The following CTNNA1 variants were observed in gnomAD, a reference collection of about 807,000 sequenced individuals.
The protein encoded by CTNNA1 is catenin alpha-1.
Under a neutral mutation model 98.4 loss-of-function variants are expected in CTNNA1, and 37 were observed. That is an observed-to-expected ratio of 0.38 (90% CI 0.29 to 0.49). The LOEUF is 0.49. Ranked by LOEUF, CTNNA1 falls within the 20% of genes least tolerant of loss-of-function variation. The pLI is 0.95. For missense variants in CTNNA1, 761 were observed against 1,147.2 expected, an observed-to-expected ratio of 0.66 and a Z score of 4.86; for synonymous variants, 404 against 413.2, an observed-to-expected ratio of 0.98 and a Z score of 0.27.
intron 17 of CTNNA1, 50 bp downstream of exon 17, chr5:138,932,762 T>C: frequency 6.2e-7 from 1 of 1,606,872 alleles, no homozygotes; most frequent in East Asian, 2.2e-5. Flanking sequence ...TGCTGACCCT[T>C]GTCAGAAATG....
At chr5:138,890,614 G>A (rs1317349921) in intron 9 of CTNNA1, among the ~76,000 whole-genome samples, 1 of 152,176 alleles carries the variant, frequency 6.6e-6, no homozygotes, top group African/African-American at 2.4e-5. Context: ...TCATCCTCTT[G>A]TCACATTGAT....
chr5:138,764,868 C>CTTT (rs35354499), intron 1 of CTNNA1, among the ~76,000 whole-genome samples: 12,833 of 84,806 alleles, frequency 0.15, 2,083 homozygotes, highest in East Asian at 0.19. Context: ...GTATCTCTCT[C>CTTT]TTTTTTTTTT....
At chr5:138,839,986 C>A (rs1762137776) in intron 7 of CTNNA1, among the ~76,000 whole-genome samples, 1 of 152,168 alleles carries the variant, frequency 6.6e-6, no homozygotes, top group Non-Finnish European at 1.5e-5. Context: ...AAAGCTTGAT[C>A]AAGTAATGTA....
chr5:138,775,015 GAA>G (rs1210323016), intron 1 of CTNNA1, among the ~76,000 whole-genome samples: 4 of 152,332 alleles, frequency 2.6e-5, no homozygotes, highest in Non-Finnish European at 4.4e-5. Context: ...AGAAAAAAAT[GAA>G]AGTCTTTTTT....
At chr5:138,809,900 C>T in intron 3 of CTNNA1, 138 bp from the exon 4 acceptor site, 1 of 1,233,524 alleles carries the variant, frequency 8.1e-7, no homozygotes, top group Non-Finnish European at 1.1e-6. Context: ...GAACAGCAAA[C>T]AACAACAAAA....
chr5:138,872,848 A>C, intron 7 of CTNNA1: 1 of 517,032 alleles, frequency 1.9e-6, no homozygotes, highest in Non-Finnish European at 3.3e-6. Flanking sequence ...ATATGGTTTC[A>C]TTTAAAAAAT....
intron 1 of CTNNA1, among the ~76,000 whole-genome samples, chr5:138,760,657 C>T (rs1460893267): frequency 6.6e-6 from 1 of 152,180 alleles, no homozygotes; most frequent in African/African-American, 2.4e-5. Flanking sequence ...TGAGCCACCA[C>T]GTCTGACCTA....
chr5:138,801,196 G>A (rs1757539319), intron 3 of CTNNA1, among the ~76,000 whole-genome samples: 1 of 152,146 alleles, frequency 6.6e-6, no homozygotes, highest in Non-Finnish European at 1.5e-5. Context: ...TATTACAGTA[G>A]TACAGTGTGT....
At chr5:138,799,514 A>G (rs2149700669) in intron 3 of CTNNA1, among the ~76,000 whole-genome samples, 1 of 152,216 alleles carries the variant, frequency 6.6e-6, no homozygotes, top group African/African-American at 2.4e-5. Flanking sequence ...AGGAAAAAAA[A>G]GTTGTTGATT....
chr5:138,799,227 C>T (rs1431325743), intron 3 of CTNNA1, among the ~76,000 whole-genome samples: 1 of 152,098 alleles, frequency 6.6e-6, no homozygotes, highest in Non-Finnish European at 1.5e-5. Flanking sequence ...ATGGCGTGAC[C>T]TCGGTTCACT....
chr5:138,784,309 G>A (rs1755443920), intron 3 of CTNNA1, among the ~76,000 whole-genome samples: 1 of 152,184 alleles, frequency 6.6e-6, no homozygotes, highest in Admixed American at 6.5e-5. Context: ...ATCGAGCCCT[G>A]CTATTTACAG....
At chr5:138,839,438 TG>T (rs1762085207) in intron 7 of CTNNA1, among the ~76,000 whole-genome samples, 1 of 152,060 alleles carries the variant, frequency 6.6e-6, no homozygotes, top group South Asian at 2.1e-4. Context: ...TGACCTCAGG[TG>T]ATCCACCCGC....
rs1359523156 is a variant in CTNNA1 at position 138,874,756 on chromosome 5, C to CA, written c.1063-11455dup. Among the ~76,000 whole-genome samples the CA allele has an allele frequency of 6.6e-6, 1 of 152,118 alleles. No individual in the cohort carries two copies. The highest frequency in any genetic ancestry group is 2.4e-5 in the African/African-American group (1 of 41,410). On this transcript the variant is annotated intron_variant, in intron 7 of 17. Transcript: ENST00000302763. The surrounding 1 kb of genome is among the most constrained non-coding windows in gnomAD (Gnocchi z 4.1). ...TAAGCCATTTAAAAAGAAGATAAAA[C>CA]ATGTCTCTGTCATCATCGATATATG...
At chr5:138,835,166 G>A (rs1241076268) in intron 7 of CTNNA1, among the ~76,000 whole-genome samples, 1 of 152,114 alleles carries the variant, frequency 6.6e-6, no homozygotes, top group South Asian at 2.1e-4. Context: ...GGCTATTTTC[G>A]CTTCTTTTGT....
At chr5:138,811,059 A>G (rs1203229814) in intron 4 of CTNNA1, among the ~76,000 whole-genome samples, 8 of 151,508 alleles carry the variant, frequency 5.3e-5, no homozygotes, top group African/African-American at 1.7e-4. Flanking sequence ...TGCCGGGCGG[A>G]GACGCTCCTC....
At chr5:138,862,268 C>T (rs564356131) in intron 7 of CTNNA1, among the ~76,000 whole-genome samples, 1 of 152,290 alleles carries the variant, frequency 6.6e-6, no homozygotes, top group East Asian at 1.9e-4. Flanking sequence ...CTCAATAATT[C>T]TGGCAAATCT....
chr5:138,911,935 G>A (rs1310203696), intron 10 of CTNNA1, among the ~76,000 whole-genome samples: 2 of 152,246 alleles, frequency 1.3e-5, no homozygotes, highest in African/African-American at 2.4e-5. Context: ...TGGAGCCTAA[G>A]CAGCTGGAAG....
At chr5:138,888,364 A>G (rs995448218) in intron 9 of CTNNA1, among the ~76,000 whole-genome samples, 3 of 152,224 alleles carry the variant, frequency 2.0e-5, no homozygotes, top group African/African-American at 7.2e-5. Flanking sequence ...GGGACACAAA[A>G]TAAGCATATA....
At chr5:138,800,938 AG>A (rs1757512236) in intron 3 of CTNNA1, among the ~76,000 whole-genome samples, 1 of 152,210 alleles carries the variant, frequency 6.6e-6, no homozygotes, top group African/African-American at 2.4e-5. Context: ...ACCTCTTGGT[AG>A]TACTTCCAGC....
Sources: gnomAD v4.1 joint callset for allele counts (sites outside exome capture counted in the v4.1 genomes callset) on GRCh38, gnomAD v4.1.1 for gene constraint, Gnocchi (gnomAD v3.1) non-coding constraint, MANE v1.5 for transcripts, NCBI Gene and HGNC (gene_info 2026-07-23, HGNC 2026-07-21) for gene names.